The following CNTNAP2 variants were observed in gnomAD, a reference collection of about 807,000 sequenced individuals.
CNTNAP2 encodes the protein contactin-associated protein-like 2.
Under a neutral mutation model 155.2 loss-of-function variants are expected in CNTNAP2, and 98 were observed. The observed-to-expected ratio is 0.63, with a 90% CI of 0.54 to 0.75. CNTNAP2 has a LOEUF of 0.75. CNTNAP2 is among the 30% of genes least tolerant of loss of function. The probability of loss-of-function intolerance (pLI) is 0.00; values close to 1 mark genes in which losing one functional copy is unlikely to be tolerated. For missense variants in CNTNAP2, 1,727 were observed against 1,688.1 expected (o/e 1.02, Z -0.40); for synonymous variants, 651 against 631.2 (o/e 1.03, Z -0.47).
chr7:147,970,953 G>C (rs905736976), intron 14 of CNTNAP2, among the ~76,000 whole-genome samples: 3 of 152,180 alleles, frequency 2.0e-5, no homozygotes, highest in African/African-American at 7.2e-5. Flanking sequence ...TCTTGTTAAT[G>C]AATGTCTATA....
intron 14 of CNTNAP2, among the ~76,000 whole-genome samples, chr7:147,907,297 C>T (rs550172840): frequency 2.7e-4 from 41 of 152,288 alleles, no homozygotes; most frequent in African/African-American, 9.1e-4. Context: ...ACCTCGTGAT[C>T]TGCCCACCTC....
chr7:148,232,817 G>A (rs1365916906), intron 20 of CNTNAP2, among the ~76,000 whole-genome samples: 3 of 152,146 alleles, frequency 2.0e-5, no homozygotes, highest in East Asian at 1.9e-4. Flanking sequence ...GTTTACTTTC[G>A]TAGCTGGGTT....
intron 1 of CNTNAP2, among the ~76,000 whole-genome samples, chr7:146,444,712 C>T (rs1796377007): frequency 6.6e-6 from 1 of 150,446 alleles, no homozygotes; most frequent in Non-Finnish European, 1.5e-5. Flanking sequence ...GGCTAGGGTG[C>T]AGTGGCATGA....
intron 12 of CNTNAP2, among the ~76,000 whole-genome samples, chr7:147,607,288 G>T (rs76245534): frequency 0.014 from 2,080 of 152,212 alleles, 51 homozygotes; most frequent in African/African-American, 0.048. Flanking sequence ...AGATCAGAGA[G>T]ACTTTGGTTC....
At chr7:147,402,988 A>G (rs973916294) in intron 10 of CNTNAP2, among the ~76,000 whole-genome samples, 8 of 151,454 alleles carry the variant, frequency 5.3e-5, no homozygotes, top group Non-Finnish European at 7.4e-5. Flanking sequence ...TAGGTCAGAC[A>G]TGCCTCACAA....
intron 13 of CNTNAP2, among the ~76,000 whole-genome samples, chr7:147,766,078 G>T (rs1445549340): frequency 6.6e-6 from 1 of 152,208 alleles, no homozygotes; most frequent in Non-Finnish European, 1.5e-5. Context: ...AGGGTAGACA[G>T]AATTGACCAC....
rs6464820 is a variant in CNTNAP2 at position 147,548,291 on chromosome 7, C to T, written c.1778-13847C>T. Among the ~76,000 whole-genome samples, 546 of 152,186 alleles carry T rather than the reference C, an allele frequency of 3.6e-3. 7 individuals are homozygous for T. Among genetic ancestry groups the T allele is most frequent in the African/African-American group, 0.012 (510 of 41,540 alleles). On this transcript the variant is annotated intron_variant, in intron 11 of 23. Coordinates refer to ENST00000361727, the MANE Select transcript of CNTNAP2 (RefSeq NM_014141.6). ...TATTGTTTTCTGACTTTTTAATAAT[C>T]GCCATTCTGACTGGTGTGAGATGGT...
chr7:148,326,090 C>T (rs1797880952), intron 21 of CNTNAP2, among the ~76,000 whole-genome samples: 2 of 152,190 alleles, frequency 1.3e-5, no homozygotes, highest in South Asian at 2.1e-4. Flanking sequence ...CCTGCAGACA[C>T]CCAAGTGCAC....
At chr7:147,315,285 G>A (rs1361690748) in intron 9 of CNTNAP2, among the ~76,000 whole-genome samples, 1 of 40,774 alleles carries the variant, frequency 2.5e-5, no homozygotes, top group African/African-American at 2.0e-4. Context: ...ATAACTTGGT[G>A]TGATACTCCG....
intron 3 of CNTNAP2, among the ~76,000 whole-genome samples, chr7:146,937,536 A>G (rs1796945159): frequency 6.6e-6 from 1 of 152,084 alleles, no homozygotes; most frequent in Non-Finnish European, 1.5e-5. Context: ...TTTTCTCACA[A>G]GCTTTTCTCA....
chr7:148,363,328 C>A (rs1245581707), intron 21 of CNTNAP2, among the ~76,000 whole-genome samples: 1 of 152,174 alleles, frequency 6.6e-6, no homozygotes, highest in Non-Finnish European at 1.5e-5. Context: ...TGATTTTGCC[C>A]AATTGTAGGC....
intron 12 of CNTNAP2, among the ~76,000 whole-genome samples, chr7:147,602,600 T>C (rs1800972714): frequency 6.6e-6 from 1 of 151,612 alleles, no homozygotes; most frequent in South Asian, 2.1e-4. Flanking sequence ...TAACTCGTCA[T>C]TTAACATTAG....
chr7:146,721,887 A>ATTTT (rs1265800742), intron 1 of CNTNAP2, among the ~76,000 whole-genome samples: 2 of 81,954 alleles, frequency 2.4e-5, no homozygotes, highest in African/African-American at 4.0e-4. Flanking sequence ...ATATATATAT[A>ATTTT]TATTTTTTTT....
At chr7:147,413,544 G>A (rs1424823512) in intron 10 of CNTNAP2, among the ~76,000 whole-genome samples, 3 of 152,184 alleles carry the variant, frequency 2.0e-5, no homozygotes. Context: ...GCTCAGGCAG[G>A]TGAGCGTGGG....
At chr7:147,732,697 TG>T (rs1796764655) in intron 13 of CNTNAP2, among the ~76,000 whole-genome samples, 3 of 152,200 alleles carry the variant, frequency 2.0e-5, no homozygotes, top group African/African-American at 7.2e-5. Context: ...CTCCAGCACC[TG>T]CTGTTTCCTG....
At chr7:146,167,873 C>T (rs1798335798) in intron 1 of CNTNAP2, among the ~76,000 whole-genome samples, 1 of 152,146 alleles carries the variant, frequency 6.6e-6, no homozygotes. Flanking sequence ...GTCCCAAAGC[C>T]TCAAAAGTAG....
chr7:147,058,612 G>C (rs1412994587), intron 4 of CNTNAP2, among the ~76,000 whole-genome samples: 1 of 140,682 alleles, frequency 7.1e-6, no homozygotes, highest in East Asian at 1.9e-4. Context: ...TTTTGTTTTT[G>C]TTTTTGCTTT....
intron 1 of CNTNAP2, among the ~76,000 whole-genome samples, chr7:146,507,305 T>C (rs996695207): frequency 1.3e-5 from 2 of 152,210 alleles, no homozygotes; most frequent in African/African-American, 4.8e-5. Context: ...TACAGTGCTC[T>C]CTGCACTGCC....
chr7:146,942,212 AG>A, intron 3 of CNTNAP2, among the ~76,000 whole-genome samples: 1 of 152,228 alleles, frequency 6.6e-6, no homozygotes, highest in South Asian at 2.1e-4. Flanking sequence ...AATTCTATGA[AG>A]AAAAAATATA....
Sources: allele counts gnomAD v4.1 joint callset (sites outside exome capture counted in the v4.1 genomes callset), GRCh38; gene constraint gnomAD v4.1.1; transcripts MANE v1.5; gene names NCBI Gene and HGNC (gene_info 2026-07-23, HGNC 2026-07-21).